The following RAPGEF4 variants were observed in gnomAD, a reference collection of about 807,000 sequenced individuals.
RAPGEF4 encodes the protein RAP guanine-nucleotide-exchange factor (GEF) 4.
RAPGEF4 carries 66 observed loss-of-function variants against 147.9 expected under a neutral mutation model. That is an observed-to-expected ratio of 0.45 (90% CI 0.37 to 0.55). The LOEUF is 0.55. Among genes scored for constraint, RAPGEF4 ranks in the 20% least tolerant of loss-of-function variants. The pLI is 0.00. For missense variants in RAPGEF4, 1,071 were observed against 1,257.3 expected (o/e 0.85, Z 2.24); for synonymous variants, 419 against 442.7 (o/e 0.95, Z 0.67).
chr2:172,779,705 A>G (rs1194890062), intron 1 of RAPGEF4, among the ~76,000 whole-genome samples: 1 of 152,188 alleles, frequency 6.6e-6, no homozygotes, highest in Non-Finnish European at 1.5e-5. Flanking sequence ...CTCCAAGGAT[A>G]ATAAATAGAC....
intron 4 of RAPGEF4, among the ~76,000 whole-genome samples, chr2:172,901,685 C>T (rs1699069615): frequency 6.6e-6 from 1 of 152,142 alleles, no homozygotes; most frequent in African/African-American, 2.4e-5. Flanking sequence ...TGAGGGGTGC[C>T]ATGGTAATTT....
At chr2:173,033,852 C>CA in intron 26 of RAPGEF4, 62 bp from the exon 27 acceptor site, 1 of 1,475,394 alleles carries the variant, frequency 6.8e-7, no homozygotes, top group Non-Finnish European at 9.4e-7. Flanking sequence ...AATGGTAACC[C>CA]ATGATACATA....
intron 1 of RAPGEF4, among the ~76,000 whole-genome samples, chr2:172,752,560 T>C (rs1057205481): frequency 3.3e-5 from 5 of 152,218 alleles, no homozygotes; most frequent in African/African-American, 1.2e-4. Flanking sequence ...AAAGTCTAGG[T>C]TGCAGAGTTA....
chr2:172,797,631 T>C lies in RAPGEF4; in HGVS notation c.297+18T>C. Reference sequence around the variant, plus strand: ...GTCACCAGGTAATATGGTCTATTTTTTTGAAAGTAGGATTTATTTTTTTTA... The same window carrying C: ...GTCACCAGGTAATATGGTCTATTTTCTTGAAAGTAGGATTTATTTTTTTTA... On this transcript the variant is annotated intron_variant, in intron 3 of 30. Transcript: ENST00000397081. The C allele has an allele frequency of 3.2e-6, 5 of 1,580,374 alleles. No individual in the cohort carries two copies. The highest frequency in any genetic ancestry group is 1.7e-4 in the Middle Eastern group (1 of 5,920).
chr2:172,804,122 T>A (rs1440060311), intron 3 of RAPGEF4, among the ~76,000 whole-genome samples: 1 of 151,600 alleles, frequency 6.6e-6, no homozygotes, highest in Non-Finnish European at 1.5e-5. Context: ...GAATTTTTTC[T>A]GAAAAAAAAA....
intron 13 of RAPGEF4, 94 bp from the exon 14 acceptor site, chr2:172,988,599 A>C: frequency 7.2e-7 from 1 of 1,383,174 alleles, no homozygotes; most frequent in Non-Finnish European, 9.9e-7. Flanking sequence ...TTTATCTACA[A>C]TGTTTTAGGG....
At chr2:173,000,540 G>A (rs1693791920) in intron 16 of RAPGEF4, among the ~76,000 whole-genome samples, 1 of 152,140 alleles carries the variant, frequency 6.6e-6, no homozygotes, top group Admixed American at 6.5e-5. Context: ...TGAAGAACCA[G>A]CATCAAATTC....
intron 4 of RAPGEF4, among the ~76,000 whole-genome samples, chr2:172,816,089 C>A (rs184828351): frequency 6.6e-6 from 1 of 152,242 alleles, no homozygotes; most frequent in East Asian, 1.9e-4. Context: ...GTTACATACC[C>A]TAATGCCATT....
intron 4 of RAPGEF4, among the ~76,000 whole-genome samples, chr2:172,850,313 T>C (rs72906194): frequency 0.016 from 2,432 of 152,264 alleles, 22 homozygotes; most frequent in South Asian, 0.034. Flanking sequence ...GTAACATTTT[T>C]AAATTAAAAA....
At position 173,036,090 on chromosome 2, in the gene RAPGEF4, C is replaced by T. The variant is rs966919992; in HGVS notation, c.2701-35C>T. 4.1e-6 allele frequency: 6 copies of T among 1,474,686 alleles called. No individual in the cohort carries two copies. The Admixed American group carries it at 1.0e-4, about 25-fold the overall frequency. 91.4% of individuals were successfully genotyped at this position (1,474,686 alleles called of 1,614,324 possible). A position where few individuals can be genotyped will look rare whatever the true frequency, so the allele number is the denominator to read the frequency against. On this transcript the variant is annotated intron_variant, in intron 27 of 30. Coordinates refer to ENST00000397081, the MANE Select transcript of RAPGEF4 (RefSeq NM_007023.4). ...GTAACAAAGGGTGGTGTATCTGTCA[C>T]CAGTCATTACCATCATCTCTTTTTC...
chr2:172,903,055 G>A (rs1342963881), intron 4 of RAPGEF4, among the ~76,000 whole-genome samples: 11 of 152,066 alleles, frequency 7.2e-5, no homozygotes, highest in Admixed American at 6.6e-5. Flanking sequence ...AAAAGCTGGC[G>A]GAGTTTAGAA....
At chr2:172,950,918 C>T (rs1219060784) in intron 6 of RAPGEF4, among the ~76,000 whole-genome samples, 1 of 152,234 alleles carries the variant, frequency 6.6e-6, no homozygotes, top group Non-Finnish European at 1.5e-5. Flanking sequence ...TAGGGTTCTA[C>T]TGATACTCAT....
At chr2:172,984,621 G>A (rs939976075) in intron 11 of RAPGEF4, among the ~76,000 whole-genome samples, 4 of 152,140 alleles carry the variant, frequency 2.6e-5, no homozygotes, top group Admixed American at 2.6e-4. Context: ...CTCTCCACAG[G>A]GCATAGATGT....
At chr2:172,810,391 T>C (rs1229526349) in intron 3 of RAPGEF4, among the ~76,000 whole-genome samples, 1 of 152,240 alleles carries the variant, frequency 6.6e-6, no homozygotes, top group Non-Finnish European at 1.5e-5. Flanking sequence ...TGAGGCATCG[T>C]CATTGAGACA....
chr2:172,786,914 A>G (rs928778295), intron 1 of RAPGEF4, among the ~76,000 whole-genome samples: 1 of 152,170 alleles, frequency 6.6e-6, no homozygotes, highest in Non-Finnish European at 1.5e-5. Flanking sequence ...ACTTAACTTT[A>G]AAACCCTATT....
intron 4 of RAPGEF4, among the ~76,000 whole-genome samples, chr2:172,899,472 C>T (rs548001984): frequency 4.7e-4 from 71 of 152,254 alleles, no homozygotes; most frequent in South Asian, 1.7e-3. Flanking sequence ...GTTGGATATA[C>T]GGTGTCCTTG....
At chr2:172,909,787 T>C (rs1326612798) in intron 4 of RAPGEF4, among the ~76,000 whole-genome samples, 1 of 152,236 alleles carries the variant, frequency 6.6e-6, no homozygotes, top group South Asian at 2.1e-4. Context: ...TATAAAGATA[T>C]GAACTGCTTC....
intron 1 of RAPGEF4, among the ~76,000 whole-genome samples, chr2:172,739,605 A>G (rs987685553): frequency 3.9e-4 from 60 of 152,282 alleles, no homozygotes; most frequent in African/African-American, 1.1e-3. Flanking sequence ...TCCTGACCTC[A>G]GCTGATCCGC....
intron 6 of RAPGEF4, among the ~76,000 whole-genome samples, chr2:172,932,748 G>A (rs959533921): frequency 1.6e-4 from 25 of 152,124 alleles, no homozygotes; most frequent in African/African-American, 4.3e-4. Context: ...GCAGCTTCAC[G>A]TTGTAACGTA....
Sources: gnomAD v4.1 joint callset for allele counts (sites outside exome capture counted in the v4.1 genomes callset) on GRCh38, gnomAD v4.1.1 for gene constraint, MANE v1.5 for transcripts, NCBI Gene and HGNC (gene_info 2026-07-23, HGNC 2026-07-21) for gene names.